The following CBFA2T2 variants were observed in gnomAD, a reference collection of about 807,000 sequenced individuals.
CBFA2T2 encodes the protein CBFA2/RUNX1 partner transcriptional co-repressor 2, also known as protein CBFA2T2.
A neutral mutation model predicts 62.2 loss-of-function variants in CBFA2T2; 11 were observed. The observed-to-expected ratio is 0.18, with a 90% CI of 0.11 to 0.29. CBFA2T2 has a LOEUF of 0.29. Among genes scored for constraint, CBFA2T2 ranks in the 10% least tolerant of loss-of-function variants. The probability of loss-of-function intolerance (pLI) is 1.00; values close to 1 mark genes in which losing one functional copy is unlikely to be tolerated. For synonymous variants in CBFA2T2, 295 were observed against 287.5 expected (o/e 1.03, Z -0.27); for missense variants, 592 against 774.1 (o/e 0.76, Z 2.79).
In CBFA2T2 at chr20:33,575,482, T is replaced by G. The variant is rs533323741; in HGVS notation, c.35-31474T>G. ...CTGATAATCATTCTTCATAACTCTC[T>G]GGCGTTGGTCCCTGGCACACAGCTT... On this transcript the variant is annotated intron_variant, in intron 1 of 10. Transcript: ENST00000342704. Among the ~76,000 whole-genome samples, 22 of 152,360 alleles carry G rather than the reference T, an allele frequency of 1.4e-4. No homozygotes were observed. The South Asian group carries it at 4.6e-3, about 32-fold the overall frequency.
chr20:33,636,556 G>A, intron 8 of CBFA2T2, 84 bp from the exon 9 acceptor site: 2 of 975,588 alleles, frequency 2.1e-6, no homozygotes, highest in Non-Finnish European at 3.2e-6. Flanking sequence ...TTGAGTCTAA[G>A]TGGTGAATGA....
At chr20:33,617,194 A>T (rs76476385) in intron 3 of CBFA2T2, among the ~76,000 whole-genome samples, 8 of 152,126 alleles carry the variant, frequency 5.3e-5, no homozygotes, top group African/African-American at 1.7e-4. Context: ...TAATCATGCT[A>T]CTGCACTCCA....
At chr20:33,625,378 T>C (rs998814554) in intron 6 of CBFA2T2, among the ~76,000 whole-genome samples, 10 of 152,078 alleles carry the variant, frequency 6.6e-5, no homozygotes, top group Non-Finnish European at 1.0e-4. Context: ...TCCCAGCTAC[T>C]AGGGAGGCTG....
At chr20:33,524,383 T>C (rs1007303065) in intron 1 of CBFA2T2, among the ~76,000 whole-genome samples, 2 of 152,122 alleles carry the variant, frequency 1.3e-5, no homozygotes, top group African/African-American at 4.8e-5. Flanking sequence ...AATCAGAGTT[T>C]GAACAGAGAA....
At chr20:33,505,646 T>C (rs2011389884) in intron 1 of CBFA2T2, among the ~76,000 whole-genome samples, 1 of 152,008 alleles carries the variant, frequency 6.6e-6, no homozygotes, top group Non-Finnish European at 1.5e-5. Flanking sequence ...CCAGGCGTGG[T>C]GGTGCATGCC....
At chr20:33,520,931 C>T (rs1358409739) in intron 1 of CBFA2T2, among the ~76,000 whole-genome samples, 1 of 149,938 alleles carries the variant, frequency 6.7e-6, no homozygotes, top group Non-Finnish European at 1.5e-5. Context: ...CACATTTTCA[C>T]CTGCCATCAC....
chr20:33,558,129 GCTCT>G (rs994882271), intron 1 of CBFA2T2, among the ~76,000 whole-genome samples: 5 of 149,938 alleles, frequency 3.3e-5, no homozygotes, highest in African/African-American at 7.4e-5. Context: ...GCCTGGGCGC[GCTCT>G]CTCTTTTTTT....
At chr20:33,600,315 C>T (rs1316666917) in intron 1 of CBFA2T2, 2 of 194,194 alleles carry the variant, frequency 1.0e-5, no homozygotes, top group South Asian at 1.1e-4. Flanking sequence ...CCTCAGCCTC[C>T]TGAGCAGCTG....
At chr20:33,525,280 G>T (rs2011856291) in intron 1 of CBFA2T2, among the ~76,000 whole-genome samples, 1 of 151,904 alleles carries the variant, frequency 6.6e-6, no homozygotes, top group Admixed American at 6.6e-5. Flanking sequence ...CCGCCTCCTG[G>T]GTTCAAGTGA....
chr20:33,602,718 G>T (rs2015185426), intron 1 of CBFA2T2, among the ~76,000 whole-genome samples: 1 of 152,140 alleles, frequency 6.6e-6, no homozygotes, highest in Non-Finnish European at 1.5e-5. Flanking sequence ...CCTTCTTACA[G>T]TAGATGTCAG....
At chr20:33,616,849 C>G (rs561008717) in intron 3 of CBFA2T2, among the ~76,000 whole-genome samples, 59 of 152,304 alleles carry the variant, frequency 3.9e-4, no homozygotes, top group Non-Finnish European at 7.5e-4. Flanking sequence ...ACGTTCTTCT[C>G]TCTGCTCTGA....
chr20:33,636,969 T>C (rs2016656017), intron 9 of CBFA2T2, among the ~76,000 whole-genome samples: 1 of 152,196 alleles, frequency 6.6e-6, no homozygotes, highest in Non-Finnish European at 1.5e-5. Flanking sequence ...GCTGAGGCAA[T>C]AAGTACCTGT....
At chr20:33,510,352 A>T (rs940207756) in intron 1 of CBFA2T2, among the ~76,000 whole-genome samples, 1 of 151,724 alleles carries the variant, frequency 6.6e-6, no homozygotes, top group Non-Finnish European at 1.5e-5. Flanking sequence ...CTGGGACTAC[A>T]GGTGCCCTCC....
intron 10 of CBFA2T2, among the ~76,000 whole-genome samples, chr20:33,643,248 C>G (rs532520204): frequency 6.6e-6 from 1 of 152,262 alleles, no homozygotes; most frequent in South Asian, 2.1e-4. Context: ...CATCTCTGTT[C>G]AATGAGTATA....
At chr20:33,568,366 T>C (rs1324417039) in intron 1 of CBFA2T2, among the ~76,000 whole-genome samples, 1 of 152,096 alleles carries the variant, frequency 6.6e-6, no homozygotes, top group Non-Finnish European at 1.5e-5. Flanking sequence ...CCCAGTTCCC[T>C]AACTAATTCT....
intron 6 of CBFA2T2, among the ~76,000 whole-genome samples, chr20:33,626,097 G>A (rs781570330): frequency 1.9e-4 from 29 of 151,548 alleles, no homozygotes; most frequent in Admixed American, 7.2e-4. Context: ...GCAAGACTCC[G>A]TCTCCAAAAA....
At chr20:33,644,179 T>C (rs1418297614) in intron 10 of CBFA2T2, among the ~76,000 whole-genome samples, 168 bp from the exon 11 acceptor site, 1 of 152,138 alleles carries the variant, frequency 6.6e-6, no homozygotes, top group Non-Finnish European at 1.5e-5. Context: ...AAAGGCAGTG[T>C]GTATTTCTCA....
At chr20:33,491,936 A>G (rs996456895) in intron 1 of CBFA2T2, among the ~76,000 whole-genome samples, 1 of 151,846 alleles carries the variant, frequency 6.6e-6, no homozygotes, top group Admixed American at 6.6e-5. Flanking sequence ...GCTGGAGTGC[A>G]GTAGTACAAT....
intron 1 of CBFA2T2, among the ~76,000 whole-genome samples, chr20:33,585,217 ATTC>A (rs2014311679): frequency 6.6e-6 from 1 of 152,332 alleles, no homozygotes; most frequent in Admixed American, 6.5e-5. Context: ...GTGTCTAATA[ATTC>A]TTCTGGAGAA....
Sources: gnomAD v4.1 joint callset for allele counts (sites outside exome capture counted in the v4.1 genomes callset) on GRCh38, gnomAD v4.1.1 for gene constraint, MANE v1.5 for transcripts, NCBI Gene and HGNC (gene_info 2026-07-23, HGNC 2026-07-21) for gene names.